The following LARS1 variants were observed in gnomAD, a reference collection of about 807,000 sequenced individuals.
LARS1 encodes leucyl-tRNA synthetase 1.
A neutral mutation model predicts 162.8 loss-of-function variants in LARS1; 100 were observed. That is an observed-to-expected ratio of 0.61 (90% CI 0.52 to 0.73). The LOEUF (loss-of-function observed/expected upper bound fraction) is 0.73. Among genes scored for constraint, LARS1 ranks in the 30% least tolerant of loss-of-function variants. LARS1 has a pLI of 0.00. For synonymous variants in LARS1, 457 were observed against 462.8 expected, an observed-to-expected ratio of 0.99 and a Z score of 0.16; for missense variants, 1,258 against 1,408.9, an observed-to-expected ratio of 0.89 and a Z score of 1.71.
chr5:146,115,302 T>TG (rs1764159606), intron 31 of LARS1, among the ~76,000 whole-genome samples: 2 of 152,028 alleles, frequency 1.3e-5, no homozygotes, highest in Admixed American at 1.3e-4. Flanking sequence ...TTGAGCTCCC[T>TG]GGAATACACT....
chr5:146,118,750 A>G (rs1488754088), intron 31 of LARS1, among the ~76,000 whole-genome samples: 1 of 152,208 alleles, frequency 6.6e-6, no homozygotes, highest in East Asian at 1.9e-4. Context: ...TAGGGTTTCA[A>G]TTTGGGATGA....
chr5:146,170,554 T>G (rs535121993), intron 4 of LARS1, among the ~76,000 whole-genome samples: 101 of 151,944 alleles, frequency 6.6e-4, no homozygotes, highest in Non-Finnish European at 1.3e-3. Flanking sequence ...AAGACGATAA[T>G]ATAACATCAA....
chr5:146,115,357 A>C (rs1295410224), intron 31 of LARS1, among the ~76,000 whole-genome samples: 3 of 152,058 alleles, frequency 2.0e-5, no homozygotes, highest in Admixed American at 6.6e-5. Flanking sequence ...CTTTTGGATA[A>C]ATAATGACTA....
intron 14 of LARS1, 95 bp from the exon 15 acceptor site, chr5:146,149,794 C>G: frequency 1.2e-6 from 1 of 827,916 alleles, no homozygotes; most frequent in Non-Finnish European, 2.0e-6. Flanking sequence ...TTTGCTTCTG[C>G]CCACCGAAAT....
chr5:146,174,525 T>TATATATATATCCATATATGTATATATCC (rs1561498203), intron 2 of LARS1, among the ~76,000 whole-genome samples: 51 of 110,602 alleles, frequency 4.6e-4, no homozygotes, highest in African/African-American at 1.4e-3. Context: ...TATATCCATA[T>TATATATATATCCATATATGTATATATCC]ATATATATAT....
intron 12 of LARS1, 24 bp downstream of exon 12, chr5:146,153,710 C>A (rs756278201): frequency 1.3e-6 from 2 of 1,594,138 alleles, no homozygotes; most frequent in Non-Finnish European, 1.7e-6. Flanking sequence ...GGACGAAATA[C>A]AAACATGAAA....
intron 4 of LARS1, among the ~76,000 whole-genome samples, chr5:146,168,597 A>T (rs973305852): frequency 6.6e-6 from 1 of 152,146 alleles, no homozygotes; most frequent in Admixed American, 6.6e-5. Flanking sequence ...AGGTGACAGG[A>T]TCACTTAAAA....
chr5:146,117,364 C>G (rs1348205183), intron 31 of LARS1, among the ~76,000 whole-genome samples: 1 of 152,160 alleles, frequency 6.6e-6, no homozygotes, highest in African/African-American at 2.4e-5. Flanking sequence ...GATCCCAGCA[C>G]TTTGGGAGGC....
chr5:146,129,916 T>C (rs1752204981), intron 25 of LARS1, 102 bp downstream of exon 25: 4 of 1,205,038 alleles, frequency 3.3e-6, no homozygotes, highest in Non-Finnish European at 4.7e-6. Flanking sequence ...CTTGAATTAC[T>C]CACTTTCAGA....
chr5:146,117,413 T>C (rs552814644), intron 31 of LARS1, among the ~76,000 whole-genome samples: 1 of 152,236 alleles, frequency 6.6e-6, no homozygotes, highest in East Asian at 1.9e-4. Flanking sequence ...AGCTCAAGAC[T>C]AGCCTGGCCA....
chr5:146,133,875 G>A (rs1752397760), intron 22 of LARS1, among the ~76,000 whole-genome samples: 1 of 152,018 alleles, frequency 6.6e-6, no homozygotes, highest in South Asian at 2.1e-4. Flanking sequence ...ATGGAGTTTC[G>A]CTCTTGTTGC....
chr5:146,160,387 T>C lies in LARS1; in HGVS notation c.694A>G (p.Lys232Glu). The C allele has an allele frequency of 1.3e-6, 2 of 1,553,630 alleles. No individual in the cohort carries two copies. Among genetic ancestry groups the C allele is most frequent in the Non-Finnish European group, 1.7e-6 (2 of 1,143,176 alleles). Residue 232 changes from lysine (K) to glutamate (E), a missense_variant, in exon 7 of 32, where the codon AAA becomes GAA. Physicochemically the swap from Lys to Glu is moderately conservative, Grantham distance 56. Transcript: ENST00000394434. ...TAACAAACTTACCGCTTCCCAAATT[T>C]AATTTTGTTTCTTTCTCTTAATGTT... The part of the protein sequence containing the change: ...FLTLRERNKI[K>E]FGKRYTIYSP...
intron 15 of LARS1, among the ~76,000 whole-genome samples, chr5:146,146,339 GA>G (rs70998058): frequency 0.31 from 27,915 of 90,278 alleles, 3,642 homozygotes; most frequent in Admixed American, 0.43. Context: ...GCAAAACTCC[GA>G]AAAAAAAAAA....
At chr5:146,142,169 T>A (rs1408707002) in intron 20 of LARS1, among the ~76,000 whole-genome samples, 3 of 151,698 alleles carry the variant, frequency 2.0e-5, no homozygotes, top group Non-Finnish European at 2.9e-5. Context: ...TCAAAAAAAA[T>A]AAAAAATATT....
At chr5:146,172,845 G>C in intron 2 of LARS1, 71 bp from the exon 3 acceptor site, 1 of 683,204 alleles carries the variant, frequency 1.5e-6, no homozygotes, top group African/African-American at 1.9e-5. Flanking sequence ...ATAAGGAAGT[G>C]GGGTGAAGGA....
At chr5:146,154,117 C>A in intron 10 of LARS1, 137 bp from the exon 11 acceptor site, 1 of 630,890 alleles carries the variant, frequency 1.6e-6, no homozygotes, top group Non-Finnish European at 2.8e-6. Flanking sequence ...CTATATTGTA[C>A]AATATGGTGA....
intron 1 of LARS1, among the ~76,000 whole-genome samples, chr5:146,181,697 T>A (rs1174161673): frequency 6.6e-6 from 1 of 151,856 alleles, no homozygotes; most frequent in Non-Finnish European, 1.5e-5. Context: ...TACCCCACCG[T>A]ACACTCCCTA....
At position 146,116,624 on chromosome 5, in the gene LARS1, G is replaced by A. The variant is rs80030925; in HGVS notation, c.3326-2313C>T. ...AAGCCTGCAACTACATAAGATTTAAGGCTCTTAGAGAAAAGATGAGAGTGA... is the reference window on the plus strand; with the variant it reads ...AAGCCTGCAACTACATAAGATTTAAAGCTCTTAGAGAAAAGATGAGAGTGA... On this transcript the variant is annotated intron_variant, in intron 31 of 31. Coordinates refer to ENST00000394434, the MANE Select transcript of LARS1 (RefSeq NM_020117.11). 2.2e-3 allele frequency among the ~76,000 whole-genome samples: 333 copies of A among 152,276 alleles called. 3 individuals carry two copies. The highest frequency in any genetic ancestry group is 7.8e-3 in the African/African-American group (323 of 41,550).
intron 6 of LARS1, among the ~76,000 whole-genome samples, chr5:146,163,776 C>A (rs138195642): frequency 1.2e-4 from 18 of 152,336 alleles, no homozygotes; most frequent in Non-Finnish European, 2.6e-4. Context: ...GCCTATCTTG[C>A]CTTTCAACAT....
Sources: allele counts gnomAD v4.1 joint callset (sites outside exome capture counted in the v4.1 genomes callset), GRCh38; gene constraint gnomAD v4.1.1; transcripts MANE v1.5; gene names NCBI Gene and HGNC (gene_info 2026-07-23, HGNC 2026-07-21).